CYFIP2: variants seen among roughly 807,000 people sequenced by gnomAD.
CYFIP2 encodes cytoplasmic FMR1-interacting protein 2.
A neutral mutation model predicts 158.7 loss-of-function variants in CYFIP2; 29 were observed. The ratio of observed to expected loss-of-function variants is 0.18; its 90% CI spans 0.14 to 0.25. The LOEUF (loss-of-function observed/expected upper bound fraction) is 0.25, where lower values mean the gene tolerates loss of function less well. CYFIP2 is among the 10% of genes least tolerant of loss of function. The pLI, the probability that CYFIP2 is intolerant of heterozygous loss-of-function variation, is 1.00. For synonymous variants in CYFIP2, 585 were observed against 617.6 expected (o/e 0.95, Z 0.78); for missense variants, 852 against 1,639.5 (o/e 0.52, Z 8.29).
At chr5:157,381,283 A>G (rs1315364743) in intron 26 of CYFIP2, among the ~76,000 whole-genome samples, 3 of 152,014 alleles carry the variant, frequency 2.0e-5, no homozygotes, top group Non-Finnish European at 4.4e-5. Context: ...TACTTTGTAC[A>G]TATGTATCAC....
Position 157,389,193 on chromosome 5 carries a change from T to A in CYFIP2, c.3212T>A (p.Ile1071Asn), listed in dbSNP as rs764150455. 6.2e-7 allele frequency: 1 copy of A among 1,607,472 alleles called. No individual in the cohort carries two copies. Among genetic ancestry groups the A allele is most frequent in the Non-Finnish European group, 8.5e-7 (1 of 1,175,758 alleles). ...LIERLGTPQQ[I>N]AIAREGDLLT... ...TATGTGCCCTTCTGTTTCCAGCAAA[T>A]CGCCATTGCTCGCGAGGGTGACCTC... is the stretch of plus-strand genomic sequence containing the variant. The change falls in exon 29 of 31, where the codon ATC becomes AAC. Residue 1071 changes from isoleucine to asparagine, a missense_variant. By Grantham distance (149) the Ile-to-Asn change is moderately radical (BLOSUM62 -3). This residue lies in a region of CYFIP2 where 223 missense variants were observed against 381.6 expected (regional missense o/e 0.58). Transcript: ENST00000620254.
chr5:157,344,285 T>C (rs946536097), intron 23 of CYFIP2, among the ~76,000 whole-genome samples: 50 of 152,220 alleles, frequency 3.3e-4, no homozygotes, highest in African/African-American at 1.2e-3. Context: ...CAGTAAGTGG[T>C]TGCTATGTCA....
chr5:157,342,709 C>T, intron 23 of CYFIP2: 1 of 727,488 alleles, frequency 1.4e-6, no homozygotes, highest in East Asian at 2.7e-5. Context: ...GCTTGAGAAG[C>T]TTTGTCATGG....
At chr5:157,332,391 A>G (rs1761531478) in intron 20 of CYFIP2, among the ~76,000 whole-genome samples, 1 of 152,232 alleles carries the variant, frequency 6.6e-6, no homozygotes, top group African/African-American at 2.4e-5. Context: ...GGGGATGAAT[A>G]TACATACTTT....
Position 157,315,102 on chromosome 5 carries a change from C to A in CYFIP2, c.1356+8C>A. The A allele has an allele frequency of 1.2e-6, 2 of 1,613,374 alleles. No individual in the cohort carries two copies. The highest frequency in any genetic ancestry group is 8.5e-7 in the Non-Finnish European group (1 of 1,179,660). ...AAATTTGCCTTCGTTGAGGTAGGTG[C>A]AGACTCCCTGCATCTCCCTCCCTCC... On this transcript the variant is annotated splice_region_variant and intron_variant, in intron 13 of 30. Coordinates refer to ENST00000620254, the MANE Select transcript of CYFIP2 (RefSeq NM_001037333.3).
At chr5:157,352,169 A>G (rs1763117242) in intron 23 of CYFIP2, among the ~76,000 whole-genome samples, 1 of 152,170 alleles carries the variant, frequency 6.6e-6, no homozygotes, top group Admixed American at 6.5e-5. Context: ...AATTATTCCA[A>G]TAACTTCCTG....
Position 157,369,879 on chromosome 5 carries a change from G to GTTTT in CYFIP2, c.3039+8297_3039+8300dup, listed in dbSNP as rs1554120265. On this transcript the variant is annotated intron_variant, in intron 26 of 30. Transcript: ENST00000620254. Reference sequence around the variant, plus strand: ...AACAAAATCCTTGAGAATGGACCTAGTTTTTTTTTTTTTTTTTTTAAAGAC... The same window carrying GTTTT: ...AACAAAATCCTTGAGAATGGACCTAGTTTTTTTTTTTTTTTTTTTTTTTAAAGAC... Among the ~76,000 whole-genome samples the GTTTT allele has an allele frequency of 3.9e-5, 4 of 103,298 alleles. 1 individual carries two copies. The highest frequency in any genetic ancestry group is 2.0e-4 in the Admixed American group (2 of 10,100). The allele number at this position is 103,298 out of a possible 152,430, so 67.8% of individuals were successfully genotyped here.
chr5:157,335,410 T>C (rs559213242), intron 21 of CYFIP2, among the ~76,000 whole-genome samples: 1 of 152,340 alleles, frequency 6.6e-6, no homozygotes, highest in East Asian at 1.9e-4. Context: ...CCTGAGTAGC[T>C]GGGACTACAG....
At chr5:157,325,004 A>C (rs899545852) in intron 16 of CYFIP2, 1 of 151,446 alleles carries the variant, frequency 6.6e-6, no homozygotes, top group South Asian at 2.1e-4. Flanking sequence ...TATTATTATT[A>C]TTTTTTGGTA....
intron 26 of CYFIP2, among the ~76,000 whole-genome samples, chr5:157,366,761 A>T (rs1764410939): frequency 6.6e-6 from 1 of 152,216 alleles, no homozygotes; most frequent in South Asian, 2.1e-4. Flanking sequence ...TTTAAAGGAA[A>T]TTCTATTAAT....
chr5:157,365,212 A>G (rs1255530557), intron 26 of CYFIP2: 1 of 152,238 alleles, frequency 6.6e-6, no homozygotes, highest in African/African-American at 2.4e-5. Flanking sequence ...TTCATGTATT[A>G]TTATTGACCT....
At chr5:157,353,352 C>G (rs1026149270) in intron 23 of CYFIP2, among the ~76,000 whole-genome samples, 7 of 152,148 alleles carry the variant, frequency 4.6e-5, no homozygotes, top group Admixed American at 1.3e-4. Context: ...CTCCTGTTCC[C>G]CTGCTTGCCT....
intron 3 of CYFIP2, 56 bp from the exon 4 acceptor site, chr5:157,294,727 G>A: frequency 2.0e-6 from 3 of 1,506,102 alleles, no homozygotes; most frequent in Non-Finnish European, 1.8e-6. Flanking sequence ...GGGGGCTTTT[G>A]CAGCCTGGTG....
Position 157,389,226 on chromosome 5 carries a change from A to G in CYFIP2, c.3245A>G (p.Lys1082Arg). Residue 1082 changes from lysine to arginine, a missense_variant, in exon 29 of 31, where the codon AAG becomes AGG. Lys to Arg is a conservative substitution (Grantham distance 26). Coordinates refer to ENST00000620254, the MANE Select transcript of CYFIP2 (RefSeq NM_001037333.3). ...GCTCGCGAGGGTGACCTCCTGACCAAGGAGCGGCTGTGCTGTGGCCTGTCC... is the reference window on the plus strand; with the variant it reads ...GCTCGCGAGGGTGACCTCCTGACCAGGGAGCGGCTGTGCTGTGGCCTGTCC... Reference protein sequence around the residue: ...AIAREGDLLTKERLCCGLSMF... With the variant: ...AIAREGDLLTRERLCCGLSMF... The G allele has an allele frequency of 1.2e-6, 2 of 1,613,670 alleles. No homozygotes were observed. The highest frequency in any genetic ancestry group is 1.7e-6 in the Non-Finnish European group (2 of 1,179,622).
chr5:157,355,736 T>C (rs977233876), intron 23 of CYFIP2, among the ~76,000 whole-genome samples: 14 of 152,182 alleles, frequency 9.2e-5, no homozygotes, highest in African/African-American at 2.7e-4. Flanking sequence ...CTGAAATATT[T>C]GAAAAGGGGA....
At chr5:157,286,552 G>GTGTATATA (rs762316044) in intron 2 of CYFIP2, among the ~76,000 whole-genome samples, 7 of 138,124 alleles carry the variant, frequency 5.1e-5, no homozygotes, top group African/African-American at 1.9e-4. Flanking sequence ...GCTATTTTAT[G>GTGTATATA]TATATATATA....
At chr5:157,348,753 G>A (rs1762866305) in intron 23 of CYFIP2, among the ~76,000 whole-genome samples, 1 of 152,030 alleles carries the variant, frequency 6.6e-6, no homozygotes, top group Non-Finnish European at 1.5e-5. Context: ...TATGAGATCA[G>A]ATAGTTGCTC....
chr5:157,320,542 C>T, intron 14 of CYFIP2, 113 bp from the exon 15 acceptor site: 1 of 1,395,382 alleles, frequency 7.2e-7, no homozygotes, highest in Non-Finnish European at 9.7e-7. Flanking sequence ...ACAAGCACCC[C>T]AAGAATTCAA....
chr5:157,337,474 T>A (rs1464682133), intron 21 of CYFIP2, among the ~76,000 whole-genome samples: 1 of 152,232 alleles, frequency 6.6e-6, no homozygotes, highest in Non-Finnish European at 1.5e-5. Context: ...TCACCCCAGT[T>A]GATCTCACTT....
Sources: allele counts gnomAD v4.1 joint callset (sites outside exome capture counted in the v4.1 genomes callset), GRCh38; gene constraint gnomAD v4.1.1; regional missense constraint gnomAD v4.1.1; transcripts MANE v1.5; gene names NCBI Gene and HGNC (gene_info 2026-07-23, HGNC 2026-07-21).